Variants in ACAD11 observed in about 807,000 individuals in gnomAD.
ACAD11 encodes the protein acyl-Coenzyme A dehydrogenase family, member 11.
ACAD11 carries 83 observed loss-of-function variants against 102.2 expected under a neutral mutation model. The ratio of observed to expected loss-of-function variants is 0.81; its 90% CI spans 0.68 to 0.97. The LOEUF (loss-of-function observed/expected upper bound fraction) is 0.97. ACAD11 is among the 50% of genes least tolerant of loss of function. The probability of loss-of-function intolerance (pLI) is 0.00; values close to 1 mark genes in which losing one functional copy is unlikely to be tolerated. For synonymous variants in ACAD11, 324 were observed against 319.8 expected, an observed-to-expected ratio of 1.01 and a Z score of -0.14; for missense variants, 901 against 951.7, an observed-to-expected ratio of 0.95 and a Z score of 0.70.
At chr3:132,584,873 T>C (rs1937731811) in intron 13 of ACAD11, among the ~76,000 whole-genome samples, 1 of 152,230 alleles carries the variant, frequency 6.6e-6, no homozygotes, top group South Asian at 2.1e-4. Flanking sequence ...GAACATTCTA[T>C]GCTCATGGGT....
At chr3:132,607,488 C>A (rs1478291614) in intron 11 of ACAD11, among the ~76,000 whole-genome samples, 3 of 152,028 alleles carry the variant, frequency 2.0e-5, no homozygotes, top group Non-Finnish European at 4.4e-5. Flanking sequence ...ACACAAGTAT[C>A]AATAGCTGAA....
chr3:132,576,078 G>T, intron 16 of ACAD11, 152 bp from the exon 17 acceptor site: 1 of 770,552 alleles, frequency 1.3e-6, no homozygotes, highest in Non-Finnish European at 2.0e-6. Flanking sequence ...GGTTCACTAT[G>T]AATTCATGGG....
intron 1 of ACAD11, among the ~76,000 whole-genome samples, chr3:132,651,254 C>G (rs917536011): frequency 6.6e-6 from 1 of 152,132 alleles, no homozygotes; most frequent in African/African-American, 2.4e-5. Context: ...CCCTCTACCC[C>G]TTTTTCTTGC....
At chr3:132,618,496 AAAGT>A (rs1452396887) in intron 11 of ACAD11, 134 bp downstream of exon 11, 2 of 768,374 alleles carry the variant, frequency 2.6e-6, no homozygotes, top group African/African-American at 3.7e-5. Flanking sequence ...TATTTAAATC[AAAGT>A]AACTGAAAAG....
chr3:132,569,044 CT>C (rs34943383), intron 17 of ACAD11, among the ~76,000 whole-genome samples: 5,767 of 151,962 alleles, frequency 0.038, 171 homozygotes, highest in African/African-American at 0.084. Context: ...GTGAACGACC[CT>C]GTTAAGAGGA....
chr3:132,638,234 AG>A (rs1452500848), intron 5 of ACAD11, among the ~76,000 whole-genome samples: 1 of 152,116 alleles, frequency 6.6e-6, no homozygotes, highest in African/African-American at 2.4e-5. Context: ...CAATTTTAAA[AG>A]GTACACAATG....
Position 132,574,089 on chromosome 3 carries a change from G to A in ACAD11, c.2001+1683C>T, listed in dbSNP as rs540233306. 5.3e-5 allele frequency among the ~76,000 whole-genome samples: 8 copies of A among 152,284 alleles called. No homozygotes were observed. The South Asian group carries it at 1.5e-3, about 28-fold the overall frequency. ...CTGCATGACACATTAACTTTAAAAG[G>A]TGGAAGGGAAATTTTTTACTAATGC... On this transcript the variant is annotated intron_variant, in intron 17 of 19. Coordinates refer to ENST00000264990, the MANE Select transcript of ACAD11 (RefSeq NM_032169.5).
chr3:132,619,548 T>C lies in ACAD11; in HGVS notation c.1198-3A>G. The C allele has an allele frequency of 6.5e-7, 1 of 1,550,244 alleles. No individual in the cohort carries two copies. Among genetic ancestry groups the C allele is most frequent in the Non-Finnish European group, 8.7e-7 (1 of 1,149,504 alleles). ...TGAACATAGAACTCAGTTACCTCCT[T>C]AAAGTAATAAAAGAAAAAAATTTCA... On this transcript the variant is annotated splice_polypyrimidine_tract_variant and splice_region_variant and intron_variant, in intron 9 of 19. Coordinates refer to ENST00000264990, the MANE Select transcript of ACAD11 (RefSeq NM_032169.5).
intron 8 of ACAD11, among the ~76,000 whole-genome samples, chr3:132,627,462 AAAG>A (rs1939872446): frequency 6.6e-6 from 1 of 152,256 alleles, no homozygotes; most frequent in Non-Finnish European, 1.5e-5. Context: ...AAGAAAAAGC[AAAG>A]AAGTTGAATT....
In ACAD11 at chr3:132,626,811, G is replaced by C; in HGVS notation, c.1077C>G (p.Phe359Leu). Residue 359 changes from phenylalanine (F) to leucine (L), a missense_variant, in exon 9 of 20, where the codon TTC becomes TTG. Coordinates refer to ENST00000264990, the MANE Select transcript of ACAD11 (RefSeq NM_032169.5). ...ETGLQLSKRT[F>L]STVLPQIDTT... ...TATCAATCTGTGGTAGTACAGTACT[G>C]AAAGTTCTTTGCCAAAAGAAAAAAG... The C allele has an allele frequency of 6.2e-7, 1 of 1,602,208 alleles. No homozygotes were observed. Among genetic ancestry groups the C allele is most frequent in the Non-Finnish European group, 8.5e-7 (1 of 1,177,086 alleles).
At position 132,558,350 on chromosome 3, in the gene ACAD11, A is replaced by G. The variant is rs1410975876; in HGVS notation, c.*621T>C. The G allele has an allele frequency of 6.6e-6, 1 of 152,176 alleles. No individual in the cohort carries two copies. The highest frequency in any genetic ancestry group is 1.5e-5 in the Non-Finnish European group (1 of 68,050). 9.4% of individuals were successfully genotyped at this position (152,176 alleles called of 1,614,324 possible). ...CAGTGGGTCAGGGTCTTCTAAGATT[A>G]AAATGTTAACACCAATGCGTGTGAA... is the stretch of plus-strand genomic sequence containing the variant. On this transcript the variant is annotated 3_prime_UTR_variant, in exon 20 of 20. Transcript: ENST00000264990.
At chr3:132,564,401 C>CT (rs1937150857) in intron 17 of ACAD11, among the ~76,000 whole-genome samples, 1 of 152,140 alleles carries the variant, frequency 6.6e-6, no homozygotes, top group African/African-American at 2.4e-5. Context: ...CTGAAGATTT[C>CT]TTTTTTCAGC....
Position 132,605,126 on chromosome 3 carries a change from C to G in ACAD11, c.1494G>C (p.Gly498=). 1.2e-6 allele frequency: 2 copies of G among 1,613,200 alleles called. No individual in the cohort carries two copies. The highest frequency in any genetic ancestry group is 1.7e-6 in the Non-Finnish European group (2 of 1,179,332). The change falls in exon 12 of 20, where the codon GGG becomes GGC. Residue 498 remains glycine (G), a synonymous_variant. Coordinates refer to ENST00000264990, the MANE Select transcript of ACAD11 (RefSeq NM_032169.5). ...TCATACAGAAGCAAGAGGTAATGTT[C>G]CCTTGAAGAAGAGGCTCAAGCCACT... The part of the protein sequence containing the change: ...KKQWLEPLLQ[G]NITSCFCMTE...
intron 4 of ACAD11, 116 bp downstream of exon 4, chr3:132,641,856 T>C: frequency 3.1e-6 from 3 of 954,944 alleles, no homozygotes; most frequent in Non-Finnish European, 4.5e-6. Flanking sequence ...AAGGACAATG[T>C]TAAAAGTCAT....
At chr3:132,582,545 T>C (rs1468725450) in intron 13 of ACAD11, among the ~76,000 whole-genome samples, 1 of 152,044 alleles carries the variant, frequency 6.6e-6, no homozygotes, top group Non-Finnish European at 1.5e-5. Flanking sequence ...ACTACAATGT[T>C]TTATTTTTCT....
intron 10 of ACAD11, 150 bp from the exon 11 acceptor site, chr3:132,618,922 A>G: frequency 1.6e-6 from 1 of 639,410 alleles, no homozygotes; most frequent in Non-Finnish European, 2.3e-6. Flanking sequence ...AGTGAGCAAA[A>G]CCAAGTTCTT....
intron 4 of ACAD11, among the ~76,000 whole-genome samples, chr3:132,641,503 C>T (rs910220663): frequency 5.9e-4 from 90 of 151,594 alleles, no homozygotes; most frequent in Non-Finnish European, 5.9e-5. Flanking sequence ...GAGATTGCAC[C>T]ACTGCACTCC....
intron 17 of ACAD11, among the ~76,000 whole-genome samples, chr3:132,562,358 C>G (rs1351823711): frequency 6.6e-6 from 1 of 152,216 alleles, no homozygotes; most frequent in East Asian, 1.9e-4. Context: ...CTGCCTCGGC[C>G]TCCCAAAGTG....
chr3:132,584,596 G>A (rs999760368), intron 13 of ACAD11, among the ~76,000 whole-genome samples: 4 of 152,138 alleles, frequency 2.6e-5, no homozygotes, highest in Non-Finnish European at 5.9e-5. Context: ...ATTTGATCCT[G>A]TCATTATGAT....
Sources: gnomAD v4.1 joint callset for allele counts (sites outside exome capture counted in the v4.1 genomes callset) on GRCh38, gnomAD v4.1.1 for gene constraint, MANE v1.5 for transcripts, NCBI Gene and HGNC (gene_info 2026-07-23, HGNC 2026-07-21) for gene names.